The following ZNF536 variants were observed in gnomAD, a reference collection of about 807,000 sequenced individuals.
ZNF536 encodes the protein zinc finger protein 536.
Under a neutral mutation model 84.5 loss-of-function variants are expected in ZNF536, and 13 were observed. The observed-to-expected ratio is 0.15, with a 90% CI of 0.10 to 0.24. The LOEUF is 0.24. Among genes scored for constraint, ZNF536 ranks in the 10% least tolerant of loss-of-function variants. The probability of loss-of-function intolerance (pLI) is 1.00; values close to 1 mark genes in which losing one functional copy is unlikely to be tolerated. For missense variants in ZNF536, 1,536 were observed against 1,747.5 expected (o/e 0.88, Z 2.16); for synonymous variants, 811 against 742.5 (o/e 1.09, Z -1.50).
At chr19:30,491,678 C>G (rs373298753) in intron 2 of ZNF536, among the ~76,000 whole-genome samples, 1 of 152,096 alleles carries the variant, frequency 6.6e-6, no homozygotes, top group Admixed American at 6.6e-5. Flanking sequence ...ACAAAAAATT[C>G]TTTTGAAATA....
At chr19:30,502,787 C>T (rs1820610092) in intron 2 of ZNF536, among the ~76,000 whole-genome samples, 1 of 152,120 alleles carries the variant, frequency 6.6e-6, no homozygotes, top group South Asian at 2.1e-4. Flanking sequence ...AGTGAGATGT[C>T]CCTGAGCCAC....
chr19:30,554,439 G>A (rs893475348), intron 4 of ZNF536: 1 of 151,860 alleles, frequency 6.6e-6, no homozygotes, highest in African/African-American at 2.4e-5. Flanking sequence ...ATTTTTAGTA[G>A]AGACAGGGTT....
chr19:30,233,077 G>A (rs941996705), intron 1 of ZNF536, among the ~76,000 whole-genome samples: 4 of 152,196 alleles, frequency 2.6e-5, no homozygotes, highest in African/African-American at 9.7e-5. Context: ...GGGTTGGACT[G>A]TGCACTAAAC....
intron 1 of ZNF536, among the ~76,000 whole-genome samples, chr19:30,237,064 G>T (rs1054509419): frequency 6.6e-6 from 1 of 151,268 alleles, no homozygotes; most frequent in African/African-American, 2.4e-5. Context: ...TTTCTTCTAG[G>T]CACTGCCTGG....
intron 1 of ZNF536, among the ~76,000 whole-genome samples, chr19:30,613,483 T>A (rs2048173636): frequency 6.6e-6 from 1 of 152,210 alleles, no homozygotes; most frequent in Non-Finnish European, 1.5e-5. Flanking sequence ...AAAATCAGTG[T>A]AGATGCACTG....
chr19:30,563,655 TG>T (rs2046252511), intron 1 of ZNF536, among the ~76,000 whole-genome samples: 1 of 152,008 alleles, frequency 6.6e-6, no homozygotes, highest in African/African-American at 2.4e-5. Context: ...CATGTTGGGG[TG>T]GTTTTGTGAA....
chr19:30,419,138 G>A (rs543559891), intron 1 of ZNF536, among the ~76,000 whole-genome samples: 1 of 152,228 alleles, frequency 6.6e-6, no homozygotes, highest in African/African-American at 2.4e-5. Context: ...GTACCAAACT[G>A]TAGCCATAGC....
chr19:30,238,832 A>T lies in ZNF536; in HGVS notation c.-190+10159A>T, dbSNP rs200904004. On this transcript the variant is annotated intron_variant, in intron 1 of 5. Coordinates refer to the ZNF536 transcript ENST00000585628. Reference sequence around the variant, plus strand: ...TTTCCATGTTCCAAATTAAAAAAAAAATATATATATACACACACATACACA... The same window carrying T: ...TTTCCATGTTCCAAATTAAAAAAAATATATATATATACACACACATACACA... Among the ~76,000 whole-genome samples the T allele has an allele frequency of 6.0e-3, 906 of 151,738 alleles. 4 individuals carry two copies. The highest frequency in any genetic ancestry group is 0.013 in the African/African-American group (525 of 41,286).
At chr19:30,491,036 T>A (rs969469193) in intron 2 of ZNF536, among the ~76,000 whole-genome samples, 1 of 152,058 alleles carries the variant, frequency 6.6e-6, no homozygotes, top group African/African-American at 2.4e-5. Flanking sequence ...GCAACTCCAA[T>A]GAGAAAGTAT....
intron 1 of ZNF536, among the ~76,000 whole-genome samples, chr19:30,381,078 A>G (rs1443811862): frequency 6.6e-6 from 1 of 152,076 alleles, no homozygotes; most frequent in African/African-American, 2.4e-5. Context: ...GGGTCTTGCT[A>G]TGTTGCCCAA....
chr19:30,625,938 C>T (rs1046082377), intron 1 of ZNF536, among the ~76,000 whole-genome samples: 3 of 152,142 alleles, frequency 2.0e-5, no homozygotes, highest in Non-Finnish European at 2.9e-5. Context: ...AGAATTGAAA[C>T]GGTGGCAGTG....
At chr19:30,239,281 C>G (rs1453146530) in intron 1 of ZNF536, among the ~76,000 whole-genome samples, 1 of 152,186 alleles carries the variant, frequency 6.6e-6, no homozygotes, top group Admixed American at 6.5e-5. Context: ...AATGCAATAT[C>G]TTATTTAACT....
rs542903006 is a variant in ZNF536 at position 30,624,999 on chromosome 19, C to T, written c.169+75485C>T. Among the ~76,000 whole-genome samples, 3 of 152,310 alleles carry T rather than the reference C, an allele frequency of 2.0e-5. No homozygotes were observed. In the East Asian group the frequency reaches 5.8e-4, roughly 29 times the overall value. On this transcript the variant is annotated intron_variant, in intron 1 of 1. Transcript: ENST00000592773. ...CCATGATTGTAAGTTTCCTGAGGGC[C>T]TCCCCAGCCATGCAGAACTGTGAGT...
intron 1 of ZNF536, among the ~76,000 whole-genome samples, chr19:30,384,100 CTT>C (rs1568377825): frequency 2.2e-3 from 50 of 22,792 alleles, no homozygotes; most frequent in African/African-American, 0.011. Context: ...ACCTCTTTCT[CTT>C]TCTTTCTTTC....
intron 2 of ZNF536, among the ~76,000 whole-genome samples, chr19:30,514,077 T>C (rs2055531966): frequency 6.6e-6 from 1 of 152,160 alleles, no homozygotes; most frequent in Non-Finnish European, 1.5e-5. Context: ...CTCAGAGTGG[T>C]CCTTGACCCG....
intron 1 of ZNF536, among the ~76,000 whole-genome samples, chr19:30,630,680 A>G (rs1354984761): frequency 6.6e-6 from 1 of 152,020 alleles, no homozygotes; most frequent in Non-Finnish European, 1.5e-5. Flanking sequence ...TGCTCTTCCT[A>G]TCTTAGGGGC....
rs2023607472 is a variant in ZNF536 at position 30,237,356 on chromosome 19, T to G, written c.-190+8683T>G. On this transcript the variant is annotated intron_variant, in intron 1 of 5. Transcript: ENST00000585628. Reference sequence around the variant, plus strand: ...ACTTCTGGTAGAGGTTGGCCTCCCGTGGAGGCCATTGTGAAAGGGCCAGGC... The same window carrying G: ...ACTTCTGGTAGAGGTTGGCCTCCCGGGGAGGCCATTGTGAAAGGGCCAGGC... 2.0e-5 allele frequency among the ~76,000 whole-genome samples: 3 copies of G among 152,216 alleles called. 1 individual carries two copies. In the South Asian group the frequency reaches 6.2e-4, roughly 32 times the overall value.
At chr19:30,441,063 C>T (rs2148110651) in intron 1 of ZNF536, among the ~76,000 whole-genome samples, 1 of 152,350 alleles carries the variant, frequency 6.6e-6, no homozygotes, top group African/African-American at 2.4e-5. Flanking sequence ...ACATGGTCTT[C>T]AACTCCATGC....
At chr19:30,651,998 C>T (rs896113327) in intron 1 of ZNF536, among the ~76,000 whole-genome samples, 1 of 152,172 alleles carries the variant, frequency 6.6e-6, no homozygotes, top group Middle Eastern at 3.2e-3. Flanking sequence ...GAATTTTTAC[C>T]TCTTCTCATG....
Sources: gnomAD v4.1 joint callset for allele counts (sites outside exome capture counted in the v4.1 genomes callset) on GRCh38, gnomAD v4.1.1 for gene constraint, MANE v1.5 for transcripts, NCBI Gene and HGNC (gene_info 2026-07-23, HGNC 2026-07-21) for gene names.